Variants in KIRREL3 observed in about 807,000 individuals in gnomAD.
KIRREL3 encodes the protein kirre like nephrin family adhesion molecule 3, also known as kin of IRRE-like protein 3.
Under a neutral mutation model 89.7 loss-of-function variants are expected in KIRREL3, and 36 were observed. That is an observed-to-expected ratio of 0.40 (90% CI 0.31 to 0.53). The LOEUF (loss-of-function observed/expected upper bound fraction) is 0.53, where lower values mean the gene tolerates loss of function less well. Ranked by LOEUF, KIRREL3 falls within the 20% of genes least tolerant of loss-of-function variation. KIRREL3 has a pLI of 0.49. For missense variants in KIRREL3, 864 were observed against 1,056.6 expected (o/e 0.82, Z 2.53); for synonymous variants, 445 against 441.4 (o/e 1.01, Z -0.10).
At chr11:126,758,669 A>G (rs1949580038) in intron 1 of KIRREL3, among the ~76,000 whole-genome samples, 1 of 152,230 alleles carries the variant, frequency 6.6e-6, no homozygotes, top group African/African-American at 2.4e-5. Flanking sequence ...TCACTTACGA[A>G]CATCTAAATT....
rs1359554481 is a variant in KIRREL3, at chr11:126,870,334, A to G, written c.55+130121T>C. Among the ~76,000 whole-genome samples the G allele has an allele frequency of 6.6e-6, 1 of 152,212 alleles. No homozygotes were observed. The highest frequency in any genetic ancestry group is 1.5e-5 in the Non-Finnish European group (1 of 68,038). ...TGTCATGGACATCAATATGAAAGGC[A>G]GTGCAGGAGCCAGGCTGGATTCCAA... On this transcript the variant is annotated intron_variant, in intron 1 of 16. Coordinates refer to ENST00000525144, the MANE Select transcript of KIRREL3 (RefSeq NM_032531.4). The surrounding 1 kb of genome is among the most constrained non-coding windows in gnomAD (Gnocchi z 4.4).
At position 126,811,448 on chromosome 11, in the gene KIRREL3, CAT is replaced by C. The variant is rs564695794; in HGVS notation, c.55+189005_55+189006del. On this transcript the variant is annotated intron_variant, in intron 1 of 16. Coordinates refer to ENST00000525144, the MANE Select transcript of KIRREL3 (RefSeq NM_032531.4). The surrounding 1 kb of genome is among the most constrained non-coding windows in gnomAD (Gnocchi z 4.3). ...CTAGAACCCTGAAAAGTGTCTAGCA[CAT>C]AGAGTATTCTCATAGCTGTTGACAA... 1.5e-4 allele frequency among the ~76,000 whole-genome samples: 23 copies of C among 152,338 alleles called. No individual in the cohort carries two copies. Among genetic ancestry groups the C allele is most frequent in the African/African-American group, 5.5e-4 (23 of 41,582 alleles).
chr11:126,544,285 A>G lies in KIRREL3; in HGVS notation c.134-17598T>C, dbSNP rs954972146. The G allele has an allele frequency of 6.6e-6, 1 of 152,268 alleles. No homozygotes were observed. The highest frequency in any genetic ancestry group is 1.5e-5 in the Non-Finnish European group (1 of 68,060). 9.4% of individuals were successfully genotyped at this position (152,268 alleles called of 1,614,324 possible). ...AGAATTTACGGGGCAAATACCATTT[A>G]ACTGCACAATAACTGCAGGTCCTTG... On this transcript the variant is annotated intron_variant, in intron 2 of 16. Coordinates refer to ENST00000525144, the MANE Select transcript of KIRREL3 (RefSeq NM_032531.4). This position sits in a 1 kb window ranked among gnomAD's most constrained non-coding sequence, Gnocchi z 5.6.
At chr11:127,000,816 C>T, upstream of KIRREL3, 2 of 484,242 alleles carry the variant, frequency 4.1e-6, no homozygotes, top group Non-Finnish European at 7.2e-6. This position sits in a 1 kb window ranked among gnomAD's most constrained non-coding sequence, Gnocchi z 7.1. Flanking sequence ...CGGGCTCCTC[C>T]CACAGTGAGC....
intron 1 of KIRREL3, among the ~76,000 whole-genome samples, chr11:126,863,537 G>A (rs993726524): frequency 6.3e-4 from 95 of 150,096 alleles, no homozygotes; most frequent in Non-Finnish European, 1.2e-3. Context: ...GTGTGAGTGC[G>A]TGTGAGTGTG....
chr11:126,469,058 C>G lies in KIRREL3; in HGVS notation c.591+4251G>C, dbSNP rs368983386. ...TGTTGCAAGCTCGCTATGTGCCAGGCGTGTTTCTCATTCAACTCCTCACAA... is the reference window on the plus strand; with the variant it reads ...TGTTGCAAGCTCGCTATGTGCCAGGGGTGTTTCTCATTCAACTCCTCACAA... On this transcript the variant is annotated intron_variant, in intron 5 of 16. Transcript: ENST00000525144. Among the ~76,000 whole-genome samples, 14 of 152,190 alleles carry G rather than the reference C, an allele frequency of 9.2e-5. No homozygotes were observed. In the East Asian group the frequency reaches 9.6e-4, roughly 10 times the overall value.
At chr11:126,964,433 T>C (rs1035379065) in intron 1 of KIRREL3, among the ~76,000 whole-genome samples, 1 of 152,220 alleles carries the variant, frequency 6.6e-6, no homozygotes, top group Non-Finnish European at 1.5e-5. Flanking sequence ...TGACAGACTC[T>C]AGTAGGAGTT....
At position 126,830,412 on chromosome 11, in the gene KIRREL3, A is replaced by C. The variant is rs1014291899; in HGVS notation, c.55+170043T>G. Among the ~76,000 whole-genome samples the C allele has an allele frequency of 1.3e-5, 2 of 152,242 alleles. No individual in the cohort carries two copies. The highest frequency in any genetic ancestry group is 4.8e-5 in the African/African-American group (2 of 41,470). ...CAAAGGCAACTTGGAAATTTTAATG[A>C]AAACAGATGTTGAGAAATGCCATTA... On this transcript the variant is annotated intron_variant, in intron 1 of 16. Coordinates refer to ENST00000525144, the MANE Select transcript of KIRREL3 (RefSeq NM_032531.4). The surrounding 1 kb of genome is among the most constrained non-coding windows in gnomAD (Gnocchi z 4.9).
chr11:126,770,980 T>A (rs1294435909), intron 1 of KIRREL3, among the ~76,000 whole-genome samples: 1 of 152,088 alleles, frequency 6.6e-6, no homozygotes, highest in African/African-American at 2.4e-5. Flanking sequence ...GGATTACAGG[T>A]GCTTGCCACC....
At chr11:126,992,873 C>G (rs1011716626) in intron 1 of KIRREL3, among the ~76,000 whole-genome samples, 1 of 152,188 alleles carries the variant, frequency 6.6e-6, no homozygotes, top group Non-Finnish European at 1.5e-5. Context: ...GTGCAGCCAG[C>G]AGTCCTGCCT....
chr11:126,427,642 G>A lies in KIRREL3; in HGVS notation c.1806+1537C>T, dbSNP rs1235049775. On this transcript the variant is annotated intron_variant, in intron 15 of 16. Coordinates refer to ENST00000525144, the MANE Select transcript of KIRREL3 (RefSeq NM_032531.4). The surrounding 1 kb of genome is among the most constrained non-coding windows in gnomAD (Gnocchi z 5.3). ...GAAAATGGAGCTGGAGAGGTTGGTG[G>A]TTGCCTGGCACTGAGGAGCCCTGAT... 6.6e-6 allele frequency among the ~76,000 whole-genome samples: 1 copy of A among 152,230 alleles called. No individual in the cohort carries two copies.
In KIRREL3 at chr11:126,734,495, C is replaced by T. The variant is rs1948737119; in HGVS notation, c.56-171583G>A. On this transcript the variant is annotated intron_variant, in intron 1 of 16. Transcript: ENST00000525144. The surrounding 1 kb of genome is among the most constrained non-coding windows in gnomAD (Gnocchi z 5.9). ...CCTGACCAACATGGAGAAACCCTGT[C>T]TCTACGAAAAATACAAAATCAGCTG... Among the ~76,000 whole-genome samples the T allele has an allele frequency of 6.6e-6, 1 of 152,052 alleles. No homozygotes were observed. Among genetic ancestry groups the T allele is most frequent in the Non-Finnish European group, 1.5e-5 (1 of 68,016 alleles).
Position 126,723,690 on chromosome 11 carries a change from C to T in KIRREL3, c.56-160778G>A, listed in dbSNP as rs1261394961. ...TCTTTTATATTCCTAGTACCTAGAC[C>T]ATGATGACATAATAATAGATGCAGA... On this transcript the variant is annotated intron_variant, in intron 1 of 16. Transcript: ENST00000525144. This position sits in a 1 kb window ranked among gnomAD's most constrained non-coding sequence, Gnocchi z 4.0. Among the ~76,000 whole-genome samples the T allele has an allele frequency of 6.6e-6, 1 of 152,046 alleles. No individual in the cohort carries two copies. The highest frequency in any genetic ancestry group is 1.5e-5 in the Non-Finnish European group (1 of 68,012).
At chr11:126,426,463 A>G (rs1265563341) in intron 15 of KIRREL3, among the ~76,000 whole-genome samples, 2 of 152,186 alleles carry the variant, frequency 1.3e-5, no homozygotes, top group East Asian at 3.8e-4. Flanking sequence ...TGATTTGCCA[A>G]TGCCTAGCAC....
At position 126,634,394 on chromosome 11, in the gene KIRREL3, A is replaced by G. The variant is rs146017695; in HGVS notation, c.56-71482T>C. On this transcript the variant is annotated intron_variant, in intron 1 of 16. Transcript: ENST00000525144. ...GTACCGCTGGCCAGTGAGAGCCAGG[A>G]GCCTGTGCTCATCACAATACCATAG... 1.7e-3 allele frequency among the ~76,000 whole-genome samples: 266 copies of G among 152,288 alleles called. 1 individual carries two copies. The East Asian group carries it at 0.024, about 14-fold the overall frequency.
Position 126,715,937 on chromosome 11 carries a change from T to G in KIRREL3, c.56-153025A>C, listed in dbSNP as rs1204005910. On this transcript the variant is annotated intron_variant, in intron 1 of 16. Transcript: ENST00000525144. The surrounding 1 kb of genome is among the most constrained non-coding windows in gnomAD (Gnocchi z 4.4). ...GGCTCCTCTCTGACTTAGCACAGGA[T>G]GCAATTTATCTTCAGAGAGTACCCT... Among the ~76,000 whole-genome samples the G allele has an allele frequency of 6.6e-6, 1 of 152,124 alleles. No homozygotes were observed. Among genetic ancestry groups the G allele is most frequent in the Non-Finnish European group, 1.5e-5 (1 of 68,036 alleles).
At chr11:126,675,731 G>A (rs1335125601) in intron 1 of KIRREL3, among the ~76,000 whole-genome samples, 3 of 152,282 alleles carry the variant, frequency 2.0e-5, no homozygotes, top group Middle Eastern at 3.4e-3. Context: ...CTCATGAAAG[G>A]TTTTGTAAGC....
chr11:126,986,199 T>C (rs1949862189), intron 1 of KIRREL3, among the ~76,000 whole-genome samples: 2 of 152,282 alleles, frequency 1.3e-5, no homozygotes, highest in African/African-American at 2.4e-5. Flanking sequence ...ATGCATTTGG[T>C]TTCCCATTGG....
chr11:126,614,487 C>T lies in KIRREL3; in HGVS notation c.56-51575G>A, dbSNP rs1943263582. Among the ~76,000 whole-genome samples, 1 of 152,198 alleles carries T rather than the reference C, an allele frequency of 6.6e-6. No homozygotes were observed. The highest frequency in any genetic ancestry group is 1.5e-5 in the Non-Finnish European group (1 of 68,046). ...GAGAGCTTTGAAAACTACAGTGATA[C>T]TCAGGCCCTTAGATCAATTAAATCA... On this transcript the variant is annotated intron_variant, in intron 1 of 16. Coordinates refer to ENST00000525144, the MANE Select transcript of KIRREL3 (RefSeq NM_032531.4). The surrounding 1 kb of genome is among the most constrained non-coding windows in gnomAD (Gnocchi z 4.6).
Sources: gnomAD v4.1 joint callset for allele counts (sites outside exome capture counted in the v4.1 genomes callset) on GRCh38, gnomAD v4.1.1 for gene constraint, Gnocchi (gnomAD v3.1) non-coding constraint, MANE v1.5 for transcripts, NCBI Gene and HGNC (gene_info 2026-07-23, HGNC 2026-07-21) for gene names.